The following SLC49A4 variants were observed in gnomAD, a reference collection of about 807,000 sequenced individuals.
The protein encoded by SLC49A4 is disrupted in renal cancer protein 2.
In SLC49A4, 36 loss-of-function variants were observed where a neutral mutation model predicts 50.6. The observed-to-expected ratio is 0.71, with a 90% confidence interval of 0.55 to 0.94. SLC49A4 has a LOEUF of 0.94. SLC49A4 is among the 40% of genes least tolerant of loss of function. The pLI is 0.00. For missense variants in SLC49A4, 503 were observed against 605.7 expected (o/e 0.83, Z 1.78); for synonymous variants, 248 against 241.2 (o/e 1.03, Z -0.26).
At chr3:122,868,220 T>C (rs1937145553) in intron 7 of SLC49A4, among the ~76,000 whole-genome samples, 1 of 152,220 alleles carries the variant, frequency 6.6e-6, no homozygotes, top group Admixed American at 6.5e-5. Context: ...AGGGTTATGA[T>C]CCAAGTCATG....
At chr3:122,865,899 C>A (rs1408782783) in intron 7 of SLC49A4, among the ~76,000 whole-genome samples, 2 of 152,078 alleles carry the variant, frequency 1.3e-5, no homozygotes, top group African/African-American at 4.8e-5. Context: ...TGATTCTACT[C>A]CTTAAGATAA....
chr3:122,816,673 A>G (rs191781899), intron 2 of SLC49A4, among the ~76,000 whole-genome samples: 8 of 152,326 alleles, frequency 5.3e-5, no homozygotes, highest in Admixed American at 5.2e-4. Context: ...CAGGGCAGGT[A>G]GCAGTTCTGA....
intron 8 of SLC49A4, among the ~76,000 whole-genome samples, chr3:122,876,828 G>T (rs1218921513): frequency 6.6e-6 from 1 of 152,170 alleles, no homozygotes; most frequent in Non-Finnish European, 1.5e-5. Context: ...TCACCATTTG[G>T]TGCAGAGCCC....
chr3:122,799,472 C>T (rs1936100115), intron 1 of SLC49A4, among the ~76,000 whole-genome samples: 1 of 152,130 alleles, frequency 6.6e-6, no homozygotes, highest in African/African-American at 2.4e-5. Flanking sequence ...GCCTTTGTGA[C>T]TGGAGTAGAG....
At chr3:122,841,490 T>G (rs1224823778) in intron 4 of SLC49A4, among the ~76,000 whole-genome samples, 2 of 152,242 alleles carry the variant, frequency 1.3e-5, no homozygotes, top group Non-Finnish European at 1.5e-5. Flanking sequence ...ATGCACACTA[T>G]AATAATATCT....
At chr3:122,830,732 C>G (rs1479135954) in intron 3 of SLC49A4, among the ~76,000 whole-genome samples, 2 of 151,986 alleles carry the variant, frequency 1.3e-5, no homozygotes, top group Admixed American at 6.6e-5. Flanking sequence ...TTAGGTGAAG[C>G]CTTTTTATAA....
At chr3:122,797,096 G>T (rs1212525974) in intron 1 of SLC49A4, among the ~76,000 whole-genome samples, 1 of 152,166 alleles carries the variant, frequency 6.6e-6, no homozygotes, top group Non-Finnish European at 1.5e-5. Context: ...TGGAATCCAT[G>T]TGAAAAAGAC....
chr3:122,871,708 T>G (rs1576312810), intron 7 of SLC49A4, among the ~76,000 whole-genome samples: 1 of 152,126 alleles, frequency 6.6e-6, no homozygotes, highest in African/African-American at 2.4e-5. Flanking sequence ...TAGCAATGAT[T>G]AAAATTAATT....
intron 7 of SLC49A4, among the ~76,000 whole-genome samples, chr3:122,861,247 G>GAGAT (rs1384374321): frequency 6.6e-6 from 1 of 152,150 alleles, no homozygotes; most frequent in African/African-American, 2.4e-5. Flanking sequence ...ACAAATTCCA[G>GAGAT]AGATTGTCAT....
intron 4 of SLC49A4, among the ~76,000 whole-genome samples, chr3:122,842,726 C>T (rs1936789984): frequency 6.6e-6 from 1 of 152,086 alleles, no homozygotes; most frequent in East Asian, 1.9e-4. Context: ...CTTCTAATTA[C>T]CCTAGAGTCA....
chr3:122,837,072 A>G (rs1208201833), intron 4 of SLC49A4, among the ~76,000 whole-genome samples: 2 of 152,250 alleles, frequency 1.3e-5, no homozygotes, highest in African/African-American at 4.8e-5. Flanking sequence ...GGATACAAAT[A>G]AATGGAAGAA....
At chr3:122,877,097 C>G (rs1937276041) in intron 8 of SLC49A4, among the ~76,000 whole-genome samples, 1 of 152,134 alleles carries the variant, frequency 6.6e-6, no homozygotes, top group African/African-American at 2.4e-5. Flanking sequence ...TCATCTACAT[C>G]AGGGTCAGAA....
chr3:122,856,172 A>G, intron 5 of SLC49A4, 135 bp from the exon 6 acceptor site: 1 of 729,420 alleles, frequency 1.4e-6, no homozygotes. Context: ...ATGTTTGTAT[A>G]CATTAGTTAC....
At chr3:122,848,873 G>A (rs1450742906) in intron 5 of SLC49A4, among the ~76,000 whole-genome samples, 1 of 152,076 alleles carries the variant, frequency 6.6e-6, no homozygotes, top group East Asian at 1.9e-4. Flanking sequence ...GTTGTTAACT[G>A]TAATTTCCCT....
intron 5 of SLC49A4, among the ~76,000 whole-genome samples, chr3:122,847,740 C>T (rs1936874727): frequency 6.6e-6 from 1 of 151,936 alleles, no homozygotes; most frequent in Non-Finnish European, 1.5e-5. Flanking sequence ...AATATAGATA[C>T]ATAAAATTAA....
At chr3:122,795,801 T>G (rs998975798) in intron 1 of SLC49A4, among the ~76,000 whole-genome samples, 8 of 152,208 alleles carry the variant, frequency 5.3e-5, no homozygotes, top group African/African-American at 1.7e-4. Flanking sequence ...AACGTTCAAG[T>G]TTTTACACAT....
rs1936325743 is a variant in SLC49A4 at position 122,813,358 on chromosome 3, CA to C, written c.437+6410del. 2.0e-5 allele frequency among the ~76,000 whole-genome samples: 3 copies of C among 152,014 alleles called. No homozygotes were observed. The South Asian group carries it at 6.2e-4, about 32-fold the overall frequency. On this transcript the variant is annotated intron_variant, in intron 2 of 8. Transcript: ENST00000261038. ...ATGAGACATTTTTTCCAAGGGCCCA[CA>C]ATGTCATTTATGAATTTTTTATTGA...
intron 1 of SLC49A4, among the ~76,000 whole-genome samples, chr3:122,799,048 G>C (rs776434232): frequency 7.2e-5 from 11 of 152,218 alleles, no homozygotes; most frequent in South Asian, 2.1e-4. Context: ...TAGCCAGAGA[G>C]GTAGTAGAGC....
At chr3:122,800,558 C>T (rs1175960428) in intron 1 of SLC49A4, among the ~76,000 whole-genome samples, 1 of 140,132 alleles carries the variant, frequency 7.1e-6, no homozygotes, top group Non-Finnish European at 1.5e-5. Flanking sequence ...ATGCAGCATC[C>T]TAACAGTTCT....
Sources: allele counts gnomAD v4.1 joint callset (sites outside exome capture counted in the v4.1 genomes callset), GRCh38; gene constraint gnomAD v4.1.1; transcripts MANE v1.5; gene names NCBI Gene and HGNC (gene_info 2026-07-23, HGNC 2026-07-21).